Variants in ADAMTS2 observed in about 807,000 individuals in gnomAD.
ADAMTS2 encodes the protein ADAM metallopeptidase with thrombospondin type 1 motif 2.
ADAMTS2 carries 50 observed loss-of-function variants against 123.0 expected under a neutral mutation model. The observed-to-expected ratio is 0.41, with a 90% CI of 0.32 to 0.51. The LOEUF (loss-of-function observed/expected upper bound fraction) is 0.51. ADAMTS2 is among the 20% of genes least tolerant of loss of function. The pLI, the probability that ADAMTS2 is intolerant of heterozygous loss-of-function variation, is 0.35. For synonymous variants in ADAMTS2, 678 were observed against 695.4 expected (o/e 0.98, Z 0.39); for missense variants, 1,494 against 1,705.2 (o/e 0.88, Z 2.18).
intron 2 of ADAMTS2, among the ~76,000 whole-genome samples, chr5:179,273,538 T>C (rs1478281462): frequency 3.3e-5 from 5 of 152,174 alleles, no homozygotes; most frequent in Non-Finnish European, 5.9e-5. Context: ...ATGTTCCATC[T>C]GGGCCAAACA....
rs578134995 is a variant in ADAMTS2 at position 179,302,235 on chromosome 5, G to A, written c.535-29171C>T. On this transcript the variant is annotated intron_variant, in intron 2 of 21. Transcript: ENST00000251582. ...CCAGCATTTTGGGAGGCTGAGGTGG[G>A]CGGATCATGAGGTCAGGAGATGGAG... Among the ~76,000 whole-genome samples the A allele has an allele frequency of 3.3e-5, 5 of 152,144 alleles. No individual in the cohort carries two copies. The South Asian group carries it at 1.0e-3, about 32-fold the overall frequency.
intron 3 of ADAMTS2, among the ~76,000 whole-genome samples, chr5:179,224,414 C>T (rs1186785607): frequency 6.6e-6 from 1 of 152,208 alleles, no homozygotes; most frequent in Non-Finnish European, 1.5e-5. Context: ...TTTCCCGATG[C>T]CCCATCTCTC....
Position 179,129,945 on chromosome 5 carries a change from G to T in ADAMTS2, c.2444C>A (p.Thr815Asn). The change falls in exon 16 of 22, where the codon ACC becomes AAC. Residue 815 changes from threonine (T) to asparagine (N), a missense_variant. By Grantham distance (65) the Thr-to-Asn change is moderately conservative (BLOSUM62 0). This residue lies in a region of ADAMTS2 where 953 missense variants were observed against 1,124.7 expected (regional missense o/e 0.85). Coordinates refer to ENST00000251582, the MANE Select transcript of ADAMTS2 (RefSeq NM_014244.5). The surrounding 1 kb of genome is among the most constrained non-coding windows in gnomAD (Gnocchi z 4.1). ...GCTTGGACTCACCAGAACGGTGATG[G>T]TGCCGTGGAGGGGGCCCATGGTCTG... ...TLQTMGPLHG[T>N]ITVLVIPVGD... 1 of 1,613,942 alleles carries T rather than the reference G, an allele frequency of 6.2e-7. No individual in the cohort carries two copies. Among genetic ancestry groups the T allele is most frequent in the Non-Finnish European group, 8.5e-7 (1 of 1,180,034 alleles).
rs73806912 is a variant in ADAMTS2, at chr5:179,137,605, C to A, written c.1951+164G>T. Among the ~76,000 whole-genome samples, 584 of 152,362 alleles carry A rather than the reference C, an allele frequency of 3.8e-3. 6 individuals are homozygous for A. The highest frequency in any genetic ancestry group is 0.014 in the African/African-American group (566 of 41,584). On this transcript the variant is annotated intron_variant, in intron 12 of 21. Coordinates refer to ENST00000251582, the MANE Select transcript of ADAMTS2 (RefSeq NM_014244.5). ...CCCTGCTAGGAACTTTAATGCCCCACCCAGGAGTGGGCCAGGGCAGCCACA... is the reference window on the plus strand; with the variant it reads ...CCCTGCTAGGAACTTTAATGCCCCAACCAGGAGTGGGCCAGGGCAGCCACA...
chr5:179,205,311 T>A (rs1267364827), intron 4 of ADAMTS2, among the ~76,000 whole-genome samples: 1 of 152,166 alleles, frequency 6.6e-6, no homozygotes, highest in East Asian at 1.9e-4. Context: ...CACTAAACAG[T>A]GCCACTGTCA....
intron 3 of ADAMTS2, among the ~76,000 whole-genome samples, chr5:179,268,449 G>C (rs991085169): frequency 6.6e-5 from 10 of 152,210 alleles, no homozygotes; most frequent in African/African-American, 2.2e-4. Flanking sequence ...TCTGCAAATG[G>C]CACTGTGTGT....
At chr5:179,334,817 A>T (rs1024280415) in intron 2 of ADAMTS2, among the ~76,000 whole-genome samples, 4 of 152,242 alleles carry the variant, frequency 2.6e-5, no homozygotes, top group African/African-American at 9.6e-5. Flanking sequence ...GTATTCAATG[A>T]GCAATGGCAA....
intron 2 of ADAMTS2, among the ~76,000 whole-genome samples, chr5:179,278,386 T>C (rs1196856767): frequency 2.0e-5 from 3 of 152,046 alleles, no homozygotes; most frequent in Non-Finnish European, 2.9e-5. Context: ...ATGTGAGCTA[T>C]GTTTTGCTGC....
chr5:179,198,930 C>T (rs1355896619), intron 4 of ADAMTS2, among the ~76,000 whole-genome samples: 2 of 152,116 alleles, frequency 1.3e-5, no homozygotes, highest in Non-Finnish European at 1.5e-5. Context: ...ACCCAGTGCC[C>T]TCTTAGCACG....
At chr5:179,320,864 A>G (rs1308938416) in intron 2 of ADAMTS2, among the ~76,000 whole-genome samples, 1 of 152,160 alleles carries the variant, frequency 6.6e-6, no homozygotes, top group Non-Finnish European at 1.5e-5. Context: ...TTGCCCTGTG[A>G]GGAGGTAATG....
intron 5 of ADAMTS2, among the ~76,000 whole-genome samples, chr5:179,164,017 A>G (rs6880263): frequency 0.028 from 4,208 of 152,006 alleles, 177 homozygotes; most frequent in African/African-American, 0.095. Context: ...AGTGTGCTAG[A>G]CCCTGGGAGC....
At chr5:179,151,562 C>T (rs1373959861) in intron 10 of ADAMTS2, among the ~76,000 whole-genome samples, 1 of 152,140 alleles carries the variant, frequency 6.6e-6, no homozygotes, top group Non-Finnish European at 1.5e-5. Flanking sequence ...TATGCCAGCC[C>T]CCTAGCAAGT....
At chr5:179,122,158 A>AC (rs1561766132) in intron 20 of ADAMTS2, among the ~76,000 whole-genome samples, 1 of 151,350 alleles carries the variant, frequency 6.6e-6, no homozygotes, top group Non-Finnish European at 1.5e-5. Context: ...AGGTGCCTAG[A>AC]CCCCCCAGAG....
At position 179,162,591 on chromosome 5, in the gene ADAMTS2, T is replaced by C. The variant is rs1213397745; in HGVS notation, c.976-3712A>G. On this transcript the variant is annotated intron_variant, in intron 5 of 21. Transcript: ENST00000251582. This position sits in a 1 kb window ranked among gnomAD's most constrained non-coding sequence, Gnocchi z 5.1. ...TCCTGGGGCCGTCACCCATGTCAGCTTTACCCCACACGGTCGCCCCTGCTC... is the reference window on the plus strand; with the variant it reads ...TCCTGGGGCCGTCACCCATGTCAGCCTTACCCCACACGGTCGCCCCTGCTC... 1.3e-5 allele frequency among the ~76,000 whole-genome samples: 2 copies of C among 152,078 alleles called. No individual in the cohort carries two copies. Among genetic ancestry groups the C allele is most frequent in the Non-Finnish European group, 2.9e-5 (2 of 68,008 alleles).
At chr5:179,293,031 G>C (rs750476178) in intron 2 of ADAMTS2, among the ~76,000 whole-genome samples, 46 of 152,302 alleles carry the variant, frequency 3.0e-4, no homozygotes, top group African/African-American at 8.4e-4. Context: ...TGGGGGGAGA[G>C]GGTGGGAAGC....
Position 179,180,811 on chromosome 5 carries a change from C to T in ADAMTS2, c.975+261G>A, listed in dbSNP as rs904348517. 6.6e-6 allele frequency among the ~76,000 whole-genome samples: 1 copy of T among 152,202 alleles called. No homozygotes were observed. Among genetic ancestry groups the T allele is most frequent in the African/African-American group, 2.4e-5 (1 of 41,456 alleles). ...CCACCCCTGGTGCCTCCCTGTGTGG[C>T]CCCCGTGGCCTGGTATGTCTCTTCC... On this transcript the variant is annotated intron_variant, in intron 5 of 21. Transcript: ENST00000251582. This position sits in a 1 kb window ranked among gnomAD's most constrained non-coding sequence, Gnocchi z 4.6.
At position 179,188,285 on chromosome 5, in the gene ADAMTS2, T is replaced by C. The variant is rs780055872; in HGVS notation, c.892-7130A>G. Among the ~76,000 whole-genome samples, 8 of 152,140 alleles carry C rather than the reference T, an allele frequency of 5.3e-5. No homozygotes were observed. The highest frequency in any genetic ancestry group is 1.2e-4 in the Non-Finnish European group (8 of 68,020). ...GGCCTGGGGGAGGGGGGCCTGCTGC[T>C]CTGTGGCTTCTCTGGGACCCCCTGA... is the stretch of plus-strand genomic sequence containing the variant. On this transcript the variant is annotated intron_variant, in intron 4 of 21. Coordinates refer to ENST00000251582, the MANE Select transcript of ADAMTS2 (RefSeq NM_014244.5). The surrounding 1 kb of genome is among the most constrained non-coding windows in gnomAD (Gnocchi z 5.1).
Position 179,309,434 on chromosome 5 carries a change from T to A in ADAMTS2, c.534+34333A>T, listed in dbSNP as rs912334527. On this transcript the variant is annotated intron_variant, in intron 2 of 21. Coordinates refer to ENST00000251582, the MANE Select transcript of ADAMTS2 (RefSeq NM_014244.5). Reference sequence around the variant, plus strand: ...CCTTCAACTCTAACTGTGCACAGCTTCCTAGCCCGGCCCCCAAGCCTGAAG... The same window carrying A: ...CCTTCAACTCTAACTGTGCACAGCTACCTAGCCCGGCCCCCAAGCCTGAAG... Among the ~76,000 whole-genome samples the A allele has an allele frequency of 3.9e-5, 6 of 152,168 alleles. No homozygotes were observed. In the East Asian group the frequency reaches 1.2e-3, roughly 29 times the overall value.
chr5:179,207,709 G>A lies in ADAMTS2; in HGVS notation c.695C>T (p.Ser232Phe). 6.2e-7 allele frequency: 1 copy of A among 1,610,984 alleles called. No homozygotes were observed. The highest frequency in any genetic ancestry group is 8.5e-7 in the Non-Finnish European group (1 of 1,179,972). The change falls in exon 4 of 22, where the codon TCC (serine) becomes TTC (phenylalanine). Residue 232 changes from serine (S) to phenylalanine (F), a missense_variant. Around this residue, in one of 6 missense-constraint regions of ADAMTS2, gnomAD observed 184 missense variants for 152.1 expected, o/e 1.21. Coordinates refer to ENST00000251582, the MANE Select transcript of ADAMTS2 (RefSeq NM_014244.5). ...GCTGAGGCTGTCCAGGCTGTCCAGG[G>A]AGGCCCCTGCAAGGAGAGGACACCG... is the stretch of plus-strand genomic sequence containing the variant. ...GGPQALDTGA[S>F]LDSLDSLSRA... is the part of the protein sequence containing the mutation.
Sources: gnomAD v4.1 joint callset for allele counts (sites outside exome capture counted in the v4.1 genomes callset) on GRCh38, gnomAD v4.1.1 for gene constraint, gnomAD v4.1.1 regional missense constraint, Gnocchi (gnomAD v3.1) non-coding constraint, MANE v1.5 for transcripts, NCBI Gene and HGNC (gene_info 2026-07-23, HGNC 2026-07-21) for gene names.